The following EDIL3 variants were observed in gnomAD, a reference collection of about 807,000 sequenced individuals.
EDIL3 encodes the protein EGF like and discoidin domains 3.
A neutral mutation model predicts 67.4 loss-of-function variants in EDIL3; 37 were observed. That is an observed-to-expected ratio of 0.55 (90% CI 0.42 to 0.72). The LOEUF (loss-of-function observed/expected upper bound fraction) is 0.72. Ranked by LOEUF, EDIL3 falls within the 30% of genes least tolerant of loss-of-function variation. The pLI is 0.00. For synonymous variants in EDIL3, 195 were observed against 196.3 expected (o/e 0.99, Z 0.05); for missense variants, 527 against 586.3 (o/e 0.90, Z 1.04).
At chr5:84,132,167 G>A (rs1747978196) in intron 5 of EDIL3, among the ~76,000 whole-genome samples, 1 of 148,588 alleles carries the variant, frequency 6.7e-6, no homozygotes, top group South Asian at 2.1e-4. Context: ...CCTGGGAGGT[G>A]GAGGTTGCAG....
At chr5:84,238,869 T>C (rs1004146207) in intron 2 of EDIL3, among the ~76,000 whole-genome samples, 4 of 152,090 alleles carry the variant, frequency 2.6e-5, no homozygotes, top group African/African-American at 4.8e-5. Flanking sequence ...TTTAAGGCAA[T>C]GAAAATTGAA....
intron 1 of EDIL3, among the ~76,000 whole-genome samples, chr5:84,269,682 T>G (rs1424828745): frequency 6.6e-6 from 1 of 152,186 alleles, no homozygotes. Flanking sequence ...ATTGCATAAC[T>G]AATCCAAAAG....
At chr5:84,078,939 A>G (rs1746914288) in intron 6 of EDIL3, 1 of 152,192 alleles carries the variant, frequency 6.6e-6, no homozygotes, top group African/African-American at 2.4e-5. Context: ...AAGGGAACCA[A>G]TCAGGTGATT....
intron 1 of EDIL3, among the ~76,000 whole-genome samples, chr5:84,327,952 C>G (rs565899758): frequency 2.0e-5 from 3 of 151,970 alleles, no homozygotes; most frequent in Admixed American, 2.0e-4. Flanking sequence ...GGAAGTCTTA[C>G]CAGCATACAG....
At chr5:84,185,274 C>CA (rs1743379471) in intron 3 of EDIL3, among the ~76,000 whole-genome samples, 1 of 152,256 alleles carries the variant, frequency 6.6e-6, no homozygotes, top group African/African-American at 2.4e-5. Flanking sequence ...ATTCACTAAG[C>CA]ACATTCCTAT....
chr5:84,286,774 T>C, intron 1 of EDIL3, among the ~76,000 whole-genome samples: 1 of 152,182 alleles, frequency 6.6e-6, no homozygotes, highest in Admixed American at 6.5e-5. Flanking sequence ...CCTCATAAAA[T>C]AAGGCTCTGC....
At chr5:84,160,121 C>A (rs1452906670) in intron 4 of EDIL3, among the ~76,000 whole-genome samples, 1 of 152,138 alleles carries the variant, frequency 6.6e-6, no homozygotes, top group African/African-American at 2.4e-5. Flanking sequence ...ACTACTACTC[C>A]TTCTTCAGAA....
chr5:84,136,809 G>A (rs555427287), intron 5 of EDIL3, among the ~76,000 whole-genome samples: 5 of 152,210 alleles, frequency 3.3e-5, no homozygotes, highest in African/African-American at 4.8e-5. Context: ...TTACAGGCAT[G>A]AGCCAGTGTG....
chr5:84,312,107 C>T (rs10059637), intron 1 of EDIL3, among the ~76,000 whole-genome samples: 3 of 150,424 alleles, frequency 2.0e-5, no homozygotes, highest in Non-Finnish European at 2.9e-5. Context: ...GGCTGGGCAG[C>T]GGGGCTCCTC....
intron 1 of EDIL3, among the ~76,000 whole-genome samples, chr5:84,318,477 G>C (rs1746559597): frequency 6.6e-6 from 1 of 152,126 alleles, no homozygotes; most frequent in Admixed American, 6.5e-5. Context: ...CAATGGAACA[G>C]AACAGAGGCC....
intron 9 of EDIL3, among the ~76,000 whole-genome samples, chr5:84,020,616 C>G (rs1156477330): frequency 6.6e-6 from 1 of 151,816 alleles, no homozygotes; most frequent in African/African-American, 2.4e-5. Context: ...CCACCCCTCC[C>G]GCCGACACAC....
chr5:84,246,199 C>T (rs1244717054), intron 2 of EDIL3, among the ~76,000 whole-genome samples: 3 of 152,204 alleles, frequency 2.0e-5, no homozygotes, highest in Non-Finnish European at 2.9e-5. Context: ...TTCTTGCATC[C>T]GCACATTTGT....
chr5:84,366,338 T>C (rs1747733344), intron 1 of EDIL3, among the ~76,000 whole-genome samples: 1 of 152,092 alleles, frequency 6.6e-6, no homozygotes, highest in South Asian at 2.1e-4. Context: ...TTAACCTCTA[T>C]TAAACCCTTA....
intron 9 of EDIL3, among the ~76,000 whole-genome samples, chr5:84,018,995 T>C (rs929560240): frequency 1.3e-5 from 2 of 152,072 alleles, no homozygotes; most frequent in African/African-American, 2.4e-5. Context: ...GGCAATTCCT[T>C]AGGGATCTAG....
At position 84,332,375 on chromosome 5, in the gene EDIL3, A is replaced by G. The variant is rs1209355261; in HGVS notation, c.67+51933T>C. Among the ~76,000 whole-genome samples the G allele has an allele frequency of 2.0e-5, 3 of 152,172 alleles. 1 individual carries two copies. Among genetic ancestry groups the G allele is most frequent in the African/African-American group, 7.2e-5 (3 of 41,438 alleles). On this transcript the variant is annotated intron_variant, in intron 1 of 10. Transcript: ENST00000296591. Reference sequence around the variant, plus strand: ...CAACAGAGTGAAAATCTGTCTCCAAAAAAAGTTGAGGAGGTGGATAATTGG... The same window carrying G: ...CAACAGAGTGAAAATCTGTCTCCAAGAAAAGTTGAGGAGGTGGATAATTGG...
chr5:84,094,820 G>C (rs953040211), intron 6 of EDIL3, among the ~76,000 whole-genome samples: 1 of 152,112 alleles, frequency 6.6e-6, no homozygotes, highest in Non-Finnish European at 1.5e-5. Flanking sequence ...GAAGGTATAT[G>C]GTTTTGCATT....
At chr5:84,156,177 A>G (rs1195648190) in intron 4 of EDIL3, among the ~76,000 whole-genome samples, 1 of 152,132 alleles carries the variant, frequency 6.6e-6, no homozygotes, top group African/African-American at 2.4e-5. Context: ...TGGAGACAGT[A>G]GTCTTCTAGG....
At chr5:84,052,669 A>C (rs1746364149) in intron 9 of EDIL3, among the ~76,000 whole-genome samples, 1 of 152,228 alleles carries the variant, frequency 6.6e-6, no homozygotes, top group African/African-American at 2.4e-5. Context: ...CTAGTCTCTG[A>C]TAAAACAGAC....
intron 3 of EDIL3, among the ~76,000 whole-genome samples, chr5:84,196,223 G>T (rs1290114204): frequency 6.6e-6 from 1 of 151,930 alleles, no homozygotes; most frequent in Non-Finnish European, 1.5e-5. Context: ...GGTCTCCACA[G>T]TCCTTGTTGC....
Sources: gnomAD v4.1 joint callset for allele counts (sites outside exome capture counted in the v4.1 genomes callset) on GRCh38, gnomAD v4.1.1 for gene constraint, MANE v1.5 for transcripts, NCBI Gene and HGNC (gene_info 2026-07-23, HGNC 2026-07-21) for gene names.